The following KCNK1 variants were observed in gnomAD, a reference collection of about 807,000 sequenced individuals.
KCNK1 encodes potassium two pore domain channel subfamily K member 1.
KCNK1 carries 10 observed loss-of-function variants against 22.2 expected under a neutral mutation model. That is an observed-to-expected ratio of 0.45 (90% CI 0.28 to 0.76). KCNK1 has a LOEUF of 0.76. KCNK1 is among the 30% of genes least tolerant of loss of function. The pLI is 0.14. For missense variants in KCNK1, 378 were observed against 421.0 expected (o/e 0.90, Z 0.89); for synonymous variants, 200 against 186.4 (o/e 1.07, Z -0.60).
chr1:233,637,809 G>A (rs762597626), intron 1 of KCNK1, among the ~76,000 whole-genome samples: 24 of 152,032 alleles, frequency 1.6e-4, no homozygotes, highest in Non-Finnish European at 2.6e-4. Context: ...CTCATTTTAC[G>A]TTTTAAATGG....
At chr1:233,651,951 G>A (rs532091032) in intron 1 of KCNK1, among the ~76,000 whole-genome samples, 36 of 152,346 alleles carry the variant, frequency 2.4e-4, no homozygotes, top group African/African-American at 8.7e-4. Flanking sequence ...GGAACAGGAA[G>A]ACAAGGGATG....
chr1:233,659,444 A>T (rs1009708567), intron 1 of KCNK1, among the ~76,000 whole-genome samples: 1 of 150,030 alleles, frequency 6.7e-6, no homozygotes, highest in Non-Finnish European at 1.5e-5. Flanking sequence ...ATTAAAAAAA[A>T]TGTCAAATGT....
At chr1:233,661,719 G>A (rs1658395787) in intron 1 of KCNK1, 1 of 152,204 alleles carries the variant, frequency 6.6e-6, no homozygotes, top group African/African-American at 2.4e-5. Flanking sequence ...CTTGTTGTGT[G>A]CATGGCATGG....
At chr1:233,655,308 A>G (rs1437520638) in intron 1 of KCNK1, among the ~76,000 whole-genome samples, 2 of 152,162 alleles carry the variant, frequency 1.3e-5, no homozygotes, top group African/African-American at 4.8e-5. Flanking sequence ...TTAATTTCAC[A>G]GGCTCACAGC....
intron 1 of KCNK1, among the ~76,000 whole-genome samples, chr1:233,629,326 G>A (rs926996365): frequency 2.6e-5 from 4 of 152,210 alleles, no homozygotes; most frequent in Non-Finnish European, 4.4e-5. Flanking sequence ...TGGAGTAGGC[G>A]CACTGAGATA....
At chr1:233,653,439 G>A (rs565971898) in intron 1 of KCNK1, among the ~76,000 whole-genome samples, 1 of 148,740 alleles carries the variant, frequency 6.7e-6, no homozygotes, top group East Asian at 2.0e-4. Flanking sequence ...CTGGGCTAGA[G>A]GATGCCCAGG....
intron 1 of KCNK1, among the ~76,000 whole-genome samples, chr1:233,635,318 A>C (rs1384901251): frequency 6.6e-6 from 1 of 152,230 alleles, no homozygotes; most frequent in Non-Finnish European, 1.5e-5. Context: ...GTGTTTATTC[A>C]GGTCACACAT....
At chr1:233,653,204 C>G (rs549843773) in intron 1 of KCNK1, among the ~76,000 whole-genome samples, 1 of 152,258 alleles carries the variant, frequency 6.6e-6, no homozygotes, top group Admixed American at 6.5e-5. Flanking sequence ...CTGCAGAAAC[C>G]ACAGTAAAGT....
intron 1 of KCNK1, chr1:233,629,415 C>A (rs701218): frequency 0.44 from 67,111 of 151,964 alleles, 16,847 homozygotes; most frequent in African/African-American, 0.7. Context: ...CTCAGCACAC[C>A]CATCCAGAAG....
At chr1:233,662,207 C>T (rs188970801) in intron 1 of KCNK1, among the ~76,000 whole-genome samples, 10 of 151,656 alleles carry the variant, frequency 6.6e-5, no homozygotes, top group Admixed American at 4.6e-4. Flanking sequence ...GTTCTTCTTT[C>T]GTAGCTGCTG....
intron 1 of KCNK1, among the ~76,000 whole-genome samples, chr1:233,648,212 C>G (rs1658131435): frequency 6.6e-6 from 1 of 152,164 alleles, no homozygotes; most frequent in South Asian, 2.1e-4. Flanking sequence ...AATTTTAAGG[C>G]ATAAAGAAAA....
intron 1 of KCNK1, among the ~76,000 whole-genome samples, chr1:233,638,412 A>T (rs2102893429): frequency 9.9e-6 from 1 of 100,514 alleles, no homozygotes; most frequent in East Asian, 3.0e-4. Flanking sequence ...ACCAATACCT[A>T]AAAAAGAGAG....
At chr1:233,614,789 T>A (rs113120070) in intron 1 of KCNK1, among the ~76,000 whole-genome samples, 5,378 of 152,190 alleles carry the variant, frequency 0.035, 320 homozygotes, top group African/African-American at 0.12. Context: ...AGACGTGACT[T>A]GGTTGTTGCC....
At chr1:233,659,602 T>G (rs1185681776) in intron 1 of KCNK1, among the ~76,000 whole-genome samples, 1 of 151,878 alleles carries the variant, frequency 6.6e-6, no homozygotes, top group East Asian at 2.0e-4. Context: ...TGTGCTATAC[T>G]TTTATGCAAA....
At chr1:233,652,014 A>G (rs976780706) in intron 1 of KCNK1, among the ~76,000 whole-genome samples, 3 of 152,248 alleles carry the variant, frequency 2.0e-5, no homozygotes, top group African/African-American at 7.2e-5. Flanking sequence ...TGATGAGGCA[A>G]CAAAGGTAGC....
At chr1:233,667,665 G>A (rs1658522231) in intron 2 of KCNK1, among the ~76,000 whole-genome samples, 1 of 139,258 alleles carries the variant, frequency 7.2e-6, no homozygotes, top group South Asian at 2.3e-4. Flanking sequence ...GGGAGGCGGA[G>A]CTTGCAGTGA....
intron 1 of KCNK1, among the ~76,000 whole-genome samples, chr1:233,623,279 G>A (rs1249163666): frequency 2.0e-5 from 3 of 152,116 alleles, no homozygotes; most frequent in East Asian, 3.9e-4. Flanking sequence ...CTAGCATCTG[G>A]GAAGGGTACG....
chr1:233,630,148 G>A (rs1348615903), intron 1 of KCNK1, among the ~76,000 whole-genome samples: 3 of 152,128 alleles, frequency 2.0e-5, no homozygotes, highest in Admixed American at 2.0e-4. Flanking sequence ...AACCTCTCAA[G>A]GGTGTACCTG....
rs570221817 is a variant in KCNK1, at chr1:233,668,231, T to C, written c.751+1241T>C. 1.1e-4 allele frequency among the ~76,000 whole-genome samples: 16 copies of C among 152,314 alleles called. No homozygotes were observed. The South Asian group carries it at 3.1e-3, about 30-fold the overall frequency. On this transcript the variant is annotated intron_variant, in intron 2 of 2. Transcript: ENST00000366621. ...TTACGACTTGGCTCAGGTCACGTTT[T>C]CTAGCGAATCATAGTAGATACTCAA...
Sources: gnomAD v4.1 joint callset for allele counts (sites outside exome capture counted in the v4.1 genomes callset) on GRCh38, gnomAD v4.1.1 for gene constraint, MANE v1.5 for transcripts, NCBI Gene and HGNC (gene_info 2026-07-23, HGNC 2026-07-21) for gene names.